Variants in STPG2 observed in about 807,000 individuals in gnomAD.
The protein encoded by STPG2 is sperm tail PG-rich repeat containing 2, also known as sperm-tail PG-rich repeat-containing protein 2.
STPG2 carries 56 observed loss-of-function variants against 54.2 expected under a neutral mutation model. That is an observed-to-expected ratio of 1.03 (90% CI 0.83 to 1.29). STPG2 has a LOEUF of 1.29. STPG2 is among the 50% of genes most tolerant of loss of function. The pLI, the probability that STPG2 is intolerant of heterozygous loss-of-function variation, is 0.00. For synonymous variants in STPG2, 200 were observed against 181.8 expected, an observed-to-expected ratio of 1.10 and a Z score of -0.81; for missense variants, 596 against 544.9, an observed-to-expected ratio of 1.09 and a Z score of -0.93.
intron 10 of STPG2, among the ~76,000 whole-genome samples, chr4:97,671,440 C>T (rs1355121706): frequency 1.3e-5 from 2 of 152,160 alleles, no homozygotes; most frequent in African/African-American, 4.8e-5. Context: ...AATAACAGTG[C>T]TTCCCAGCAA....
At chr4:97,590,205 T>C (rs1036406567) in intron 10 of STPG2, among the ~76,000 whole-genome samples, 2 of 152,076 alleles carry the variant, frequency 1.3e-5, no homozygotes, top group Non-Finnish European at 2.9e-5. Context: ...GGGGACACTG[T>C]TCCATGGAGG....
At chr4:97,850,510 ATACTT>A (rs1339575753) in intron 8 of STPG2, among the ~76,000 whole-genome samples, 3 of 151,776 alleles carry the variant, frequency 2.0e-5, no homozygotes, top group Admixed American at 2.0e-4. Context: ...AAAATTATCT[ATACTT>A]TATAAATTTT....
intron 4 of STPG2, among the ~76,000 whole-genome samples, chr4:97,442,851 G>A (rs878867736): frequency 6.6e-6 from 1 of 152,156 alleles, no homozygotes; most frequent in Admixed American, 6.5e-5. Context: ...CCTTAAAAGG[G>A]TGTGTGCTTT....
At chr4:97,864,020 C>T (rs1163050411) in intron 8 of STPG2, among the ~76,000 whole-genome samples, 2 of 152,138 alleles carry the variant, frequency 1.3e-5, no homozygotes, top group Non-Finnish European at 2.9e-5. Flanking sequence ...TGGAAGCATT[C>T]CCTTTGAAAA....
At chr4:97,641,108 G>A (rs547983448) in intron 10 of STPG2, among the ~76,000 whole-genome samples, 4 of 151,492 alleles carry the variant, frequency 2.6e-5, no homozygotes, top group Non-Finnish European at 5.9e-5. Context: ...ATTTGATATT[G>A]TGCTAGACAT....
chr4:98,063,152 TA>T (rs931419818), intron 5 of STPG2, among the ~76,000 whole-genome samples: 1 of 151,888 alleles, frequency 6.6e-6, no homozygotes, highest in Non-Finnish European at 1.5e-5. Flanking sequence ...ACCTATTGTT[TA>T]AAAAAAATCA....
chr4:98,097,832 A>C (rs1317150087), intron 5 of STPG2, among the ~76,000 whole-genome samples: 3 of 152,158 alleles, frequency 2.0e-5, no homozygotes, highest in Non-Finnish European at 4.4e-5. Flanking sequence ...AACAGTGAAC[A>C]ATCTGAAGAA....
chr4:97,772,527 C>A (rs1726251892), intron 9 of STPG2, among the ~76,000 whole-genome samples: 1 of 151,972 alleles, frequency 6.6e-6, no homozygotes, highest in East Asian at 1.9e-4. Flanking sequence ...AAAATTTAAA[C>A]AATAAATCAA....
intron 8 of STPG2, among the ~76,000 whole-genome samples, chr4:97,862,939 T>A (rs902571551): frequency 2.0e-5 from 3 of 152,108 alleles, no homozygotes; most frequent in Non-Finnish European, 4.4e-5. Flanking sequence ...TGGGACACAT[T>A]CAAAGCAGTG....
intron 9 of STPG2, among the ~76,000 whole-genome samples, chr4:97,719,811 C>T (rs988551333): frequency 6.6e-6 from 1 of 151,840 alleles, no homozygotes; most frequent in African/African-American, 2.4e-5. Flanking sequence ...ATTTTACTTT[C>T]TTTTTAGTAA....
chr4:98,107,793 A>G (rs1237361095), intron 4 of STPG2, among the ~76,000 whole-genome samples: 2 of 142,872 alleles, frequency 1.4e-5, no homozygotes, highest in Non-Finnish European at 3.1e-5. Flanking sequence ...GAGAGAGAGC[A>G]TGAGCACAAA....
At chr4:97,920,918 G>A (rs1732082417) in intron 8 of STPG2, among the ~76,000 whole-genome samples, 1 of 152,098 alleles carries the variant, frequency 6.6e-6, no homozygotes, top group Non-Finnish European at 1.5e-5. Flanking sequence ...CTGCAAGATG[G>A]GAGAATAGGA....
chr4:97,550,608 C>T (rs539301266), intron 4 of STPG2, among the ~76,000 whole-genome samples: 1 of 152,192 alleles, frequency 6.6e-6, no homozygotes, highest in Admixed American at 6.5e-5. Flanking sequence ...TAACTGTGTC[C>T]AGAATTGGTT....
At chr4:97,994,641 C>G (rs866967201) in intron 5 of STPG2, among the ~76,000 whole-genome samples, 1 of 152,040 alleles carries the variant, frequency 6.6e-6, no homozygotes, top group Admixed American at 6.6e-5. Context: ...ATGTGCAAAG[C>G]GATGTGACCC....
intron 8 of STPG2, among the ~76,000 whole-genome samples, chr4:97,852,436 C>T (rs1321917449): frequency 6.6e-6 from 1 of 152,116 alleles, no homozygotes; most frequent in Non-Finnish European, 1.5e-5. Context: ...AAGAACCTCA[C>T]CTGCTCATTT....
Position 97,627,193 on chromosome 4 carries a change from A to G in STPG2, c.1321-68076T>C, listed in dbSNP as rs374190788. On this transcript the variant is annotated intron_variant, in intron 10 of 10. Coordinates refer to ENST00000295268, the MANE Select transcript of STPG2 (RefSeq NM_174952.3). ...TTATAAAGAAAGTTTTAAAAAACAGATATCTGGTAAATTGAAGAGTCCGTA... is the reference window on the plus strand; with the variant it reads ...TTATAAAGAAAGTTTTAAAAAACAGGTATCTGGTAAATTGAAGAGTCCGTA... 9.2e-5 allele frequency among the ~76,000 whole-genome samples: 14 copies of G among 152,232 alleles called. No individual in the cohort carries two copies. In the South Asian group the frequency reaches 1.4e-3, roughly 16 times the overall value.
At chr4:97,973,974 G>T (rs2149258557) in intron 6 of STPG2, among the ~76,000 whole-genome samples, 1 of 152,296 alleles carries the variant, frequency 6.6e-6, no homozygotes, top group Non-Finnish European at 1.5e-5. Context: ...CCCCAGAATT[G>T]TAGATCCACT....
chr4:98,082,819 T>C lies in STPG2; in HGVS notation c.612+23134A>G, dbSNP rs369563117. On this transcript the variant is annotated intron_variant, in intron 5 of 10. Coordinates refer to ENST00000295268, the MANE Select transcript of STPG2 (RefSeq NM_174952.3). The stretch of plus-strand genomic sequence containing the variant: ...TAATCATGCCACTCTCTTGATAAAC[T>C]CTTCATTGACTCCCTTTTGCCAATA... Among the ~76,000 whole-genome samples, 27 of 152,174 alleles carry C rather than the reference T, an allele frequency of 1.8e-4. 1 individual carries two copies. The highest frequency in any genetic ancestry group is 6.0e-4 in the African/African-American group (25 of 41,514).
At chr4:97,618,953 A>T (rs2148922089) in intron 10 of STPG2, among the ~76,000 whole-genome samples, 1 of 152,260 alleles carries the variant, frequency 6.6e-6, no homozygotes, top group Non-Finnish European at 1.5e-5. Context: ...TAGCTCAATG[A>T]TTTATTACTA....
Sources: gnomAD v4.1 joint callset for allele counts (sites outside exome capture counted in the v4.1 genomes callset) on GRCh38, gnomAD v4.1.1 for gene constraint, MANE v1.5 for transcripts, NCBI Gene and HGNC (gene_info 2026-07-23, HGNC 2026-07-21) for gene names.